The following TG variants were observed in gnomAD, a reference collection of about 807,000 sequenced individuals.
TG encodes the protein thyroglobulin.
TG carries 270 observed loss-of-function variants against 324.7 expected under a neutral mutation model. That is an observed-to-expected ratio of 0.83 (90% CI 0.75 to 0.92). The LOEUF is 0.92. Among genes scored for constraint, TG ranks in the 40% least tolerant of loss-of-function variants. The pLI, the probability that TG is intolerant of heterozygous loss-of-function variation, is 0.00. For synonymous variants in TG, 1,401 were observed against 1,327.0 expected (o/e 1.06, Z -1.21); for missense variants, 3,591 against 3,456.4 (o/e 1.04, Z -0.98).
At chr8:133,030,851 G>A (rs1056265094) in intron 41 of TG, among the ~76,000 whole-genome samples, 7 of 152,224 alleles carry the variant, frequency 4.6e-5, no homozygotes, top group African/African-American at 1.4e-4. Flanking sequence ...CCTGGCAACA[G>A]GGAAAGCTTG....
chr8:132,999,936 G>T (rs1205253772), intron 35 of TG, among the ~76,000 whole-genome samples: 1 of 152,162 alleles, frequency 6.6e-6, no homozygotes, highest in Non-Finnish European at 1.5e-5. Context: ...CCCCCTGTGG[G>T]ACCATCTTGA....
chr8:132,896,000 G>T (rs1302894010), intron 11 of TG, among the ~76,000 whole-genome samples: 1 of 152,264 alleles, frequency 6.6e-6, no homozygotes, highest in Non-Finnish European at 1.5e-5. Context: ...AGAGTCTGGG[G>T]ATTGAGGGCC....
intron 39 of TG, among the ~76,000 whole-genome samples, 190 bp from the exon 40 acceptor site, chr8:133,021,801 G>A (rs1300502033): frequency 6.6e-6 from 1 of 152,070 alleles, no homozygotes. Flanking sequence ...CAAATACAGT[G>A]AACTGCTGAG....
chr8:132,927,211 T>C (rs1036825222), intron 22 of TG, among the ~76,000 whole-genome samples: 1 of 152,244 alleles, frequency 6.6e-6, no homozygotes. Context: ...CCTGGTTTCC[T>C]GGTGTTGTGA....
chr8:132,930,680 C>T (rs1218228096), intron 23 of TG, among the ~76,000 whole-genome samples: 9 of 111,424 alleles, frequency 8.1e-5, no homozygotes, highest in Admixed American at 6.2e-4. Flanking sequence ...AGTGAAACTC[C>T]GTCAAAAAAA....
intron 36 of TG, 61 bp downstream of exon 36, chr8:133,012,096 A>G: frequency 6.2e-7 from 1 of 1,610,204 alleles, no homozygotes; most frequent in Non-Finnish European, 8.5e-7. Context: ...GTGCTGCTCA[A>G]GATTCTCAAC....
rs368137382 is a variant in TG, at chr8:133,028,856, T to C, written c.7037-965T>C. The stretch of plus-strand genomic sequence containing the variant: ...ATTTGGGAATATGGGGTCTCATCAG[T>C]AGTTTCTTGCTGGATGCTGAATCCT... On this transcript the variant is annotated intron_variant, in intron 40 of 47. Coordinates refer to ENST00000220616, the MANE Select transcript of TG (RefSeq NM_003235.5). 2.0e-5 allele frequency among the ~76,000 whole-genome samples: 3 copies of C among 152,320 alleles called. No individual in the cohort carries two copies. The East Asian group carries it at 5.8e-4, about 29-fold the overall frequency.
Position 133,029,853 on chromosome 8 carries a change from C to T in TG, c.7069C>T (p.Leu2357=), listed in dbSNP as rs1564089970. The change falls in exon 41 of 48, where the codon CTG becomes TTG. Residue 2357 remains leucine (L), a synonymous_variant. Coordinates refer to ENST00000220616, the MANE Select transcript of TG (RefSeq NM_003235.5). Reference sequence around the variant, plus strand: ...AGAGGTGAGTGGCAACTGGGGGCTGCTGGACCAGGTGGCGGCTCTGACCTG... The same window carrying T: ...AGAGGTGAGTGGCAACTGGGGGCTGTTGGACCAGGTGGCGGCTCTGACCTG... ...SGEVSGNWGL[L]DQVAALTWVQ... is the part of the protein sequence containing the mutation. 1 of 1,614,194 alleles carries T rather than the reference C, an allele frequency of 6.2e-7. No homozygotes were observed. The highest frequency in any genetic ancestry group is 8.5e-7 in the Non-Finnish European group (1 of 1,180,002).
intron 35 of TG, chr8:133,002,497 A>T: frequency 1.1e-6 from 1 of 885,132 alleles, no homozygotes; most frequent in Non-Finnish European, 1.4e-6. Context: ...TTCAGACACA[A>T]TTAAAATTTG....
intron 18 of TG, 55 bp from the exon 19 acceptor site, chr8:132,911,322 C>A (rs1020614349): frequency 1.2e-6 from 2 of 1,613,872 alleles, no homozygotes; most frequent in African/African-American, 1.3e-5. Flanking sequence ...GTGGACCCAA[C>A]AAAACTAGCT....
chr8:133,134,589 TG>T, intron 47 of TG, 86 bp from the exon 48 acceptor site: 1 of 1,221,628 alleles, frequency 8.2e-7, no homozygotes, highest in Non-Finnish European at 1.2e-6. Flanking sequence ...CACTGGAGGC[TG>T]GGGTCTCTTT....
At chr8:133,061,592 A>G (rs189594063) in intron 41 of TG, among the ~76,000 whole-genome samples, 3 of 152,348 alleles carry the variant, frequency 2.0e-5, no homozygotes, top group African/African-American at 7.2e-5. Context: ...GGAAGGCCAC[A>G]TTCATAAATA....
chr8:132,915,761 G>C (rs1220298325), intron 20 of TG, among the ~76,000 whole-genome samples: 2 of 152,142 alleles, frequency 1.3e-5, no homozygotes, highest in Admixed American at 6.5e-5. Context: ...GCTGAATTTG[G>C]CTCATGGACT....
intron 16 of TG, among the ~76,000 whole-genome samples, chr8:132,903,086 G>A (rs999795371): frequency 1.3e-5 from 2 of 152,216 alleles, no homozygotes; most frequent in African/African-American, 2.4e-5. Flanking sequence ...ACCCTCTGCT[G>A]TACAGCTGTG....
At chr8:132,987,493 T>C in intron 35 of TG, among the ~76,000 whole-genome samples, 1 of 152,226 alleles carries the variant, frequency 6.6e-6, no homozygotes, top group South Asian at 2.1e-4. Flanking sequence ...AATCATATAA[T>C]ATTCACAAGA....
intron 9 of TG, 96 bp downstream of exon 9, chr8:132,887,644 T>C: frequency 6.6e-7 from 1 of 1,520,450 alleles, no homozygotes; most frequent in East Asian, 2.3e-5. Context: ...TCCTGGCCAA[T>C]GCTTACACTT....
At position 133,126,778 on chromosome 8, in the gene TG, A is replaced by G. The variant is rs553265101; in HGVS notation, c.7863-5034A>G. 2.0e-5 allele frequency among the ~76,000 whole-genome samples: 3 copies of G among 151,958 alleles called. No individual in the cohort carries two copies. The South Asian group carries it at 6.2e-4, about 32-fold the overall frequency. Reference sequence around the variant, plus strand: ...AGCTTCTAGTCATAAGTTATTTAATACTTCCTCAGCTTCTAAAAAAAAAAA... The same window carrying G: ...AGCTTCTAGTCATAAGTTATTTAATGCTTCCTCAGCTTCTAAAAAAAAAAA... On this transcript the variant is annotated intron_variant, in intron 45 of 47. Coordinates refer to ENST00000220616, the MANE Select transcript of TG (RefSeq NM_003235.5).
chr8:133,021,466 C>T (rs1033273634), intron 39 of TG, among the ~76,000 whole-genome samples: 2 of 152,226 alleles, frequency 1.3e-5, no homozygotes, highest in African/African-American at 2.4e-5. Flanking sequence ...GAAGTGTCCT[C>T]ACCTTTTGTG....
In TG at chr8:133,029,837, T is replaced by A. The variant is rs927864946; in HGVS notation, c.7053T>A (p.Ser2351Arg). Residue 2351 changes from serine to arginine, a missense_variant, in exon 41 of 48, where the codon AGT becomes AGA. Ser to Arg is a moderately radical substitution (Grantham distance 110). Transcript: ENST00000220616. ...TTTCTGAAGGGTCCGGAGAGGTGAG[T>A]GGCAACTGGGGGCTGCTGGACCAGG... ...GFLSSGSGEV[S>R]GNWGLLDQVA... The A allele has an allele frequency of 2.5e-6, 4 of 1,613,962 alleles. No homozygotes were observed. The African/African-American group carries it at 5.3e-5, about 22-fold the overall frequency.
Sources: allele counts gnomAD v4.1 joint callset (sites outside exome capture counted in the v4.1 genomes callset), GRCh38; gene constraint gnomAD v4.1.1; transcripts MANE v1.5; gene names NCBI Gene and HGNC (gene_info 2026-07-23, HGNC 2026-07-21).